Variants in HERC1 observed in about 807,000 individuals in gnomAD.
HERC1 encodes the protein HECT and RLD domain containing E3 ubiquitin protein ligase family member 1, also known as probable E3 ubiquitin-protein ligase HERC1.
HERC1 carries 160 observed loss-of-function variants against 554.3 expected under a neutral mutation model. That is an observed-to-expected ratio of 0.29 (90% CI 0.25 to 0.33). The LOEUF is 0.33. Among genes scored for constraint, HERC1 ranks in the 10% least tolerant of loss-of-function variants. The pLI is 1.00. For synonymous variants in HERC1, 2,175 were observed against 2,131.7 expected, an observed-to-expected ratio of 1.02 and a Z score of -0.56; for missense variants, 4,919 against 5,918.5, an observed-to-expected ratio of 0.83 and a Z score of 5.54.
chr15:63,683,863 G>A (rs1420131729), intron 34 of HERC1, among the ~76,000 whole-genome samples: 4 of 152,182 alleles, frequency 2.6e-5, no homozygotes, highest in African/African-American at 7.2e-5. Context: ...TTGGAATCCT[G>A]AACTCACACA....
At chr15:63,757,233 T>C (rs1198430112) in intron 4 of HERC1, among the ~76,000 whole-genome samples, 1 of 148,372 alleles carries the variant, frequency 6.7e-6, no homozygotes, top group Non-Finnish European at 1.5e-5. Flanking sequence ...AATGCTAATC[T>C]AGCAAAAAGA....
chr15:63,646,617 T>C (rs1186983580), intron 55 of HERC1, among the ~76,000 whole-genome samples: 5 of 149,806 alleles, frequency 3.3e-5, no homozygotes, highest in African/African-American at 7.4e-5. Flanking sequence ...CTGGCCAGCA[T>C]GGTGAAACCC....
At position 63,649,741 on chromosome 15, in the gene HERC1, A is replaced by G; in HGVS notation, c.10731T>C (p.His3577=). ...VSTMHRRELE[H]CYRKDVSVTC... ...GTCATTTACCATCCTTTCGATAGCA[A>G]TGCTCCAATTCTCGACGGTGCATGG... Residue 3577 remains histidine (H), a synonymous_variant, in exon 54 of 78, where the codon CAT becomes CAC. Transcript: ENST00000443617. 1 of 1,613,566 alleles carries G rather than the reference A, an allele frequency of 6.2e-7. No individual in the cohort carries two copies. The highest frequency in any genetic ancestry group is 8.5e-7 in the Non-Finnish European group (1 of 1,179,688).
At chr15:63,829,104 T>C (rs923009082) in intron 1 of HERC1, among the ~76,000 whole-genome samples, 2 of 152,078 alleles carry the variant, frequency 1.3e-5, no homozygotes, top group African/African-American at 4.8e-5. Flanking sequence ...GGTGTCAATA[T>C]GAACCCATGG....
intron 1 of HERC1, among the ~76,000 whole-genome samples, chr15:63,782,629 T>G (rs2076319984): frequency 6.6e-6 from 1 of 152,234 alleles, no homozygotes; most frequent in Non-Finnish European, 1.5e-5. Context: ...AAGAAGTCAT[T>G]TCTACTTTCA....
At chr15:63,643,181 G>A (rs546128498) in intron 58 of HERC1, 123 bp from the exon 59 acceptor site, 12 of 847,824 alleles carry the variant, frequency 1.4e-5, no homozygotes, top group African/African-American at 1.0e-4. Flanking sequence ...ATTCAGCAAC[G>A]TCCAATCACA....
At chr15:63,647,974 T>C (rs879534156) in intron 55 of HERC1, 95 bp downstream of exon 55, 62 of 949,280 alleles carry the variant, frequency 6.5e-5, no homozygotes, top group Admixed American at 1.1e-4. Context: ...GTGATGGATA[T>C]CTTAAAATCT....
intron 12 of HERC1, among the ~76,000 whole-genome samples, chr15:63,740,415 A>G (rs758154285): frequency 4.5e-4 from 68 of 152,210 alleles, no homozygotes; most frequent in Non-Finnish European, 7.3e-4. Context: ...TTGTGTGGAC[A>G]TATGTTTTCA....
intron 1 of HERC1, among the ~76,000 whole-genome samples, chr15:63,787,061 T>C (rs1036103355): frequency 5.9e-5 from 9 of 151,946 alleles, no homozygotes; most frequent in Non-Finnish European, 1.3e-4. Context: ...AGGCTGGTCT[T>C]GAAGTCCTGA....
At chr15:63,654,048 T>C (rs2069865024) in intron 51 of HERC1, 71 bp downstream of exon 51, 5 of 1,198,864 alleles carry the variant, frequency 4.2e-6, no homozygotes, top group Non-Finnish European at 6.1e-6. Flanking sequence ...AACTTTGAGC[T>C]CCTTGAGAAG....
intron 12 of HERC1, among the ~76,000 whole-genome samples, chr15:63,743,648 G>A (rs748818451): frequency 6.6e-6 from 1 of 152,128 alleles, no homozygotes; most frequent in Non-Finnish European, 1.5e-5. Flanking sequence ...ATCAGCTCCA[G>A]AATTTCTACT....
intron 38 of HERC1, 63 bp from the exon 39 acceptor site, chr15:63,672,757 G>T: frequency 8.7e-7 from 1 of 1,147,534 alleles, no homozygotes; most frequent in Non-Finnish European, 1.2e-6. Context: ...ATAACAGCGG[G>T]AATAAAAAAC....
At chr15:63,667,921 T>C (rs942199191) in intron 40 of HERC1, among the ~76,000 whole-genome samples, 3 of 152,202 alleles carry the variant, frequency 2.0e-5, no homozygotes, top group African/African-American at 4.8e-5. Context: ...AAGACTTTTA[T>C]GATGATCCAC....
At chr15:63,699,499 G>C (rs2072607780) in intron 25 of HERC1, among the ~76,000 whole-genome samples, 1 of 152,116 alleles carries the variant, frequency 6.6e-6, no homozygotes, top group African/African-American at 2.4e-5. Context: ...AATGAATATA[G>C]AAGGGCAAGT....
At chr15:63,687,619 G>C (rs950655310) in intron 33 of HERC1, among the ~76,000 whole-genome samples, 2 of 152,074 alleles carry the variant, frequency 1.3e-5, no homozygotes, top group Non-Finnish European at 2.9e-5. Flanking sequence ...TTCTCTGCCA[G>C]GTATCCTATC....
At position 63,692,614 on chromosome 15, in the gene HERC1, A is replaced by C; in HGVS notation, c.5675-48T>G. On this transcript the variant is annotated intron_variant, in intron 30 of 77. Transcript: ENST00000443617. This position sits in a 1 kb window ranked among gnomAD's most constrained non-coding sequence, Gnocchi z 4.7. The stretch of plus-strand genomic sequence containing the variant: ...CGTTACAACCAAGAGCCAACAAGAA[A>C]TAGTCTTATATCACATAATTTACCT... The C allele has an allele frequency of 6.8e-7, 1 of 1,468,738 alleles. No individual in the cohort carries two copies. The highest frequency in any genetic ancestry group is 2.5e-5 in the Admixed American group (1 of 40,032). 91.0% of individuals were successfully genotyped at this position (1,468,738 alleles called of 1,614,324 possible). A position where few individuals can be genotyped will look rare whatever the true frequency, so the allele number is the denominator to read the frequency against.
intron 55 of HERC1, 57 bp from the exon 56 acceptor site, chr15:63,645,739 T>A: frequency 2.1e-6 from 2 of 931,580 alleles, no homozygotes; most frequent in Non-Finnish European, 3.2e-6. Flanking sequence ...ACAAATACTT[T>A]AAATTCAGTA....
At chr15:63,753,719 C>A (rs1325992227) in intron 7 of HERC1, among the ~76,000 whole-genome samples, 1 of 152,068 alleles carries the variant, frequency 6.6e-6, no homozygotes, top group East Asian at 1.9e-4. Context: ...TTAAAGTAGA[C>A]ATAGATTTAG....
At chr15:63,684,895 G>C (rs993240573) in intron 34 of HERC1, among the ~76,000 whole-genome samples, 3 of 152,200 alleles carry the variant, frequency 2.0e-5, no homozygotes, top group African/African-American at 7.2e-5. Context: ...TGTAGTCCTA[G>C]CTAATTGGGA....
Sources: gnomAD v4.1 joint callset for allele counts (sites outside exome capture counted in the v4.1 genomes callset) on GRCh38, gnomAD v4.1.1 for gene constraint, Gnocchi (gnomAD v3.1) non-coding constraint, MANE v1.5 for transcripts, NCBI Gene and HGNC (gene_info 2026-07-23, HGNC 2026-07-21) for gene names.